Variants in MLXIP observed in about 807,000 individuals in gnomAD.
MLXIP encodes the protein MLX interacting protein.
A neutral mutation model predicts 87.2 loss-of-function variants in MLXIP; 30 were observed. That is an observed-to-expected ratio of 0.34 (90% CI 0.26 to 0.47). MLXIP has a LOEUF of 0.47. Ranked by LOEUF, MLXIP falls within the 20% of genes least tolerant of loss-of-function variation. The pLI is 1.00. For synonymous variants in MLXIP, 530 were observed against 514.0 expected, an observed-to-expected ratio of 1.03 and a Z score of -0.42; for missense variants, 1,002 against 1,240.1, an observed-to-expected ratio of 0.81 and a Z score of 2.88.
Position 122,129,920 on chromosome 12 carries a change from CCT to C in MLXIP, c.739-20_739-19del, listed in dbSNP as rs1952946103. Reference sequence around the variant, plus strand: ...ACTGTTACTCTTTGATGCTTCCTCCCCTGTGTTGGTGTTGTGTTAGGACGATG... The same window carrying C: ...ACTGTTACTCTTTGATGCTTCCTCCCGTGTTGGTGTTGTGTTAGGACGATG... On this transcript the variant is annotated intron_variant, in intron 5 of 16. Transcript: ENST00000319080. 1.9e-6 allele frequency: 3 copies of C among 1,597,378 alleles called. No individual in the cohort carries two copies. The highest frequency in any genetic ancestry group is 1.7e-5 in the Admixed American group (1 of 58,960).
intron 1 of MLXIP, among the ~76,000 whole-genome samples, chr12:122,087,944 G>T (rs1180032971): frequency 6.6e-6 from 1 of 152,232 alleles, no homozygotes; most frequent in Non-Finnish European, 1.5e-5. Flanking sequence ...CTGAGCAGCT[G>T]GGGCCATTAC....
chr12:122,081,008 A>AT (rs1952083074), intron 1 of MLXIP, among the ~76,000 whole-genome samples: 2 of 146,846 alleles, frequency 1.4e-5, no homozygotes, highest in Non-Finnish European at 3.0e-5. Flanking sequence ...ATGAAAACTA[A>AT]ATCAGTCTCC....
intron 1 of MLXIP, among the ~76,000 whole-genome samples, chr12:122,121,249 C>A (rs1169387773): frequency 2.0e-5 from 3 of 149,584 alleles, no homozygotes; most frequent in African/African-American, 4.9e-5. Context: ...ACCTCATGAT[C>A]TGCCTGCCTC....
Position 122,138,509 on chromosome 12 carries a change from G to T in MLXIP, c.2342G>T (p.Arg781Leu). 1 of 1,613,750 alleles carries T rather than the reference G, an allele frequency of 6.2e-7. No homozygotes were observed. Among genetic ancestry groups the T allele is most frequent in the Non-Finnish European group, 8.5e-7 (1 of 1,179,840 alleles). Residue 781 changes from arginine (R) to leucine (L), a missense_variant, in exon 14 of 17, where the codon CGG becomes CTG. Transcript: ENST00000319080. ...QERGQMQEEA[R>L]RLREEIEELN... ...AGAGGCCAGATGCAGGAGGAGGCCC[G>T]GCGGCTGCGGGAGGAGATCGAGGAG...
chr12:122,125,730 A>G (rs2135966601), intron 1 of MLXIP, among the ~76,000 whole-genome samples: 1 of 152,362 alleles, frequency 6.6e-6, no homozygotes. Flanking sequence ...CGTTGTGCAG[A>G]GGCTGCTGCT....
In MLXIP at chr12:122,083,883, T is replaced by C. The variant is rs183517165; in HGVS notation, c.413+4617T>C. ...GGAAACCTTTCATGCAAATACTAAATTGGTTTTTCTCTTTTGCAGTCATAC... is the reference window on the plus strand; with the variant it reads ...GGAAACCTTTCATGCAAATACTAAACTGGTTTTTCTCTTTTGCAGTCATAC... On this transcript the variant is annotated intron_variant, in intron 1 of 16. Coordinates refer to ENST00000319080, the MANE Select transcript of MLXIP (RefSeq NM_014938.6). Among the ~76,000 whole-genome samples, 31 of 152,328 alleles carry C rather than the reference T, an allele frequency of 2.0e-4. No individual in the cohort carries two copies. In the East Asian group the frequency reaches 5.8e-3, roughly 28 times the overall value.
rs528385362 is a variant in MLXIP at position 122,080,653 on chromosome 12, GTC to G, written c.413+1391_413+1392del. Among the ~76,000 whole-genome samples the G allele has an allele frequency of 4.4e-4, 67 of 152,298 alleles. 2 individuals carry two copies. The South Asian group carries it at 0.013, about 31-fold the overall frequency. ...TCCCCCTTACCCGGCACATTGGTCA[GTC>G]TCTGCTGATTCTCTGGTCTTGCCAG... On this transcript the variant is annotated intron_variant, in intron 1 of 16. Coordinates refer to ENST00000319080, the MANE Select transcript of MLXIP (RefSeq NM_014938.6).
At position 122,133,400 on chromosome 12, in the gene MLXIP, T is replaced by A; in HGVS notation, c.1145T>A (p.Leu382His). Residue 382 changes from leucine to histidine, a missense_variant, in exon 9 of 17, where the codon CTC (leucine) becomes CAC (histidine). Coordinates refer to ENST00000319080, the MANE Select transcript of MLXIP (RefSeq NM_014938.6). The surrounding 1 kb of genome is among the most constrained non-coding windows in gnomAD (Gnocchi z 4.9). Reference sequence around the variant, plus strand: ...CCCACTGTGAGCCTTCCTGACAGCCTCATCGCGCCCCCTACCGCCCCATCC... The same window carrying A: ...CCCACTGTGAGCCTTCCTGACAGCCACATCGCGCCCCCTACCGCCCCATCC... The part of the protein sequence containing the change: ...ALPTVSLPDS[L>H]IAPPTAPSLA... The A allele has an allele frequency of 6.2e-7, 1 of 1,601,956 alleles. No individual in the cohort carries two copies. The highest frequency in any genetic ancestry group is 1.1e-5 in the South Asian group (1 of 90,140).
chr12:122,112,478 A>AT lies in MLXIP; in HGVS notation c.414-14778_414-14777insT. 2.0e-5 allele frequency among the ~76,000 whole-genome samples: 3 copies of AT among 151,976 alleles called. 1 individual carries two copies. In the South Asian group the frequency reaches 6.3e-4, roughly 32 times the overall value. On this transcript the variant is annotated intron_variant, in intron 1 of 16. Transcript: ENST00000319080. ...ACGGTGAAACCCCATCTCTACTAAA[A>AT]ATATATATATAAAAAAATAGCCGGA...
In MLXIP at chr12:122,118,903, G is replaced by A. The variant is rs186380345; in HGVS notation, c.414-8353G>A. 3.9e-3 allele frequency among the ~76,000 whole-genome samples: 582 copies of A among 150,866 alleles called. 6 individuals carry two copies. The Middle Eastern group carries it at 0.039, about 10-fold the overall frequency. ...ACACATGGGCTGGGCACGGTGGCTC[G>A]TGCCTGTAATCCCAGCACTTTGGGA... On this transcript the variant is annotated intron_variant, in intron 1 of 16. Transcript: ENST00000319080.
chr12:122,135,477 A>T lies in MLXIP; in HGVS notation c.1855-12A>T. ...AGCAGTCAGGGGTGACCTGTCTCCC[A>T]TGTCACTGCAGGCTCCTGGGGTCCC... On this transcript the variant is annotated splice_polypyrimidine_tract_variant and intron_variant, in intron 10 of 16. Coordinates refer to ENST00000319080, the MANE Select transcript of MLXIP (RefSeq NM_014938.6). This position sits in a 1 kb window ranked among gnomAD's most constrained non-coding sequence, Gnocchi z 5.3. 6.2e-7 allele frequency: 1 copy of T among 1,609,858 alleles called. No homozygotes were observed. Among genetic ancestry groups the T allele is most frequent in the Non-Finnish European group, 8.5e-7 (1 of 1,178,410 alleles).
At chr12:122,130,196 G>A in intron 6 of MLXIP, 84 bp downstream of exon 6, 1 of 1,390,018 alleles carries the variant, frequency 7.2e-7, no homozygotes, top group Non-Finnish European at 9.8e-7. Flanking sequence ...GTTCCTTCAG[G>A]GCCATCTCTG....
Position 122,135,315 on chromosome 12 carries a change from C to T in MLXIP, c.1824C>T (p.Asn608=), listed in dbSNP as rs761856229. Residue 608 remains asparagine, a synonymous_variant, in exon 10 of 17, where the codon AAC becomes AAT. Coordinates refer to ENST00000319080, the MANE Select transcript of MLXIP (RefSeq NM_014938.6). The surrounding 1 kb of genome is among the most constrained non-coding windows in gnomAD (Gnocchi z 5.3). ...TGGCCTCCACCGTGTCCCAGTCCAACGTGGTCATTGCGCCTGCTGCCATCG... is the reference window on the plus strand; with the variant it reads ...TGGCCTCCACCGTGTCCCAGTCCAATGTGGTCATTGCGCCTGCTGCCATCG... ...GMLASTVSQS[N]VVIAPAAIAR... is the part of the protein sequence containing the mutation. 9 of 1,613,690 alleles carry T rather than the reference C, an allele frequency of 5.6e-6. No individual in the cohort carries two copies. In the East Asian group the frequency reaches 8.9e-5, roughly 16 times the overall value.
chr12:122,114,495 T>C (rs28639626), intron 1 of MLXIP, among the ~76,000 whole-genome samples: 76,993 of 152,012 alleles, frequency 0.51, 20,035 homozygotes, highest in Middle Eastern at 0.64. Flanking sequence ...GACCTTTAGT[T>C]TCTAGCCCCG....
chr12:122,126,334 A>G (rs928094766), intron 1 of MLXIP, among the ~76,000 whole-genome samples: 6 of 152,348 alleles, frequency 3.9e-5, no homozygotes, highest in East Asian at 3.9e-4. Flanking sequence ...GTGTGCAGAC[A>G]CTACTACATA....
At chr12:122,121,307 C>CTTTTTTTTTTT (rs35967072) in intron 1 of MLXIP, among the ~76,000 whole-genome samples, 1 of 118,226 alleles carries the variant, frequency 8.5e-6, no homozygotes, top group Non-Finnish European at 1.7e-5. Flanking sequence ...TGTGCCCAGC[C>CTTTTTTTTTTT]TTTTTTTTTT....
intron 1 of MLXIP, among the ~76,000 whole-genome samples, chr12:122,108,332 C>G (rs916336571): frequency 7.5e-6 from 1 of 132,958 alleles, no homozygotes; most frequent in African/African-American, 2.9e-5. Context: ...AACACCACTG[C>G]AACTCTAGCC....
rs1004226490 is a variant in MLXIP, at chr12:122,115,407, G to A, written c.414-11849G>A. ...GTTCAAGACCACCCTGGCTAACATG[G>A]TGAAACCCCGTCTCTACTAAAAATA... On this transcript the variant is annotated intron_variant, in intron 1 of 16. Coordinates refer to ENST00000319080, the MANE Select transcript of MLXIP (RefSeq NM_014938.6). Among the ~76,000 whole-genome samples the A allele has an allele frequency of 2.3e-4, 35 of 151,552 alleles. 2 individuals carry two copies. Among genetic ancestry groups the A allele is most frequent in the Admixed American group, 4.6e-4 (7 of 15,198 alleles).
rs1460950400 is a variant in MLXIP at position 122,130,915 on chromosome 12, A to C, written c.982A>C (p.Thr328Pro). 1 of 1,613,394 alleles carries C rather than the reference A, an allele frequency of 6.2e-7. No homozygotes were observed. Among genetic ancestry groups the C allele is most frequent in the East Asian group, 2.2e-5 (1 of 44,882 alleles). ...PLQPNLDFMD[T>P]FEPFQDLFSS... ...GCAGCCTAACCTGGACTTCATGGAC[A>C]CCTTTGAGCCTTTCCAGGGTGAGGA... Residue 328 changes from threonine (T) to proline (P), a missense_variant, in exon 7 of 17, where the codon ACC (threonine) becomes CCC (proline). Thr to Pro is a conservative substitution (Grantham distance 38, BLOSUM62 -1). Coordinates refer to ENST00000319080, the MANE Select transcript of MLXIP (RefSeq NM_014938.6).
Sources: allele counts gnomAD v4.1 joint callset (sites outside exome capture counted in the v4.1 genomes callset), GRCh38; gene constraint gnomAD v4.1.1; non-coding constraint Gnocchi (gnomAD v3.1); transcripts MANE v1.5; gene names NCBI Gene and HGNC (gene_info 2026-07-23, HGNC 2026-07-21).